FGF14: variants seen among roughly 807,000 people sequenced by gnomAD.
The protein encoded by FGF14 is fibroblast growth factor 14, also known as fibroblast growth factor homologous factor 4.
A neutral mutation model predicts 25.5 loss-of-function variants in FGF14; 5 were observed. The ratio of observed to expected loss-of-function variants is 0.20; its 90% CI spans 0.10 to 0.41. The LOEUF is 0.41. Ranked by LOEUF, FGF14 falls within the 10% of genes least tolerant of loss-of-function variation. The pLI, the probability that FGF14 is intolerant of heterozygous loss-of-function variation, is 1.00. For missense variants in FGF14, 222 were observed against 320.1 expected (o/e 0.69, Z 2.34); for synonymous variants, 138 against 118.3 (o/e 1.17, Z -1.08).
At chr13:101,784,305 T>A (rs556726386) in intron 3 of FGF14, among the ~76,000 whole-genome samples, 6 of 152,340 alleles carry the variant, frequency 3.9e-5, no homozygotes, top group African/African-American at 1.2e-4. Flanking sequence ...ATCCTCTAGT[T>A]CAGAGAAGTC....
chr13:101,801,926 GCTCT>G (rs145410022), intron 3 of FGF14: 7 of 438,980 alleles, frequency 1.6e-5, no homozygotes, highest in Admixed American at 1.2e-4. Flanking sequence ...GTCTGCTTGT[GCTCT>G]CTTTGTGCAG....
intron 3 of FGF14, among the ~76,000 whole-genome samples, chr13:101,784,836 A>G (rs531538513): frequency 9.9e-4 from 150 of 152,208 alleles, no homozygotes; most frequent in Non-Finnish European, 2.0e-3. Context: ...GCTTTGGTGC[A>G]GCACTCATAT....
intron 3 of FGF14, among the ~76,000 whole-genome samples, chr13:101,862,135 A>G (rs2044451122): frequency 6.6e-6 from 1 of 152,084 alleles, no homozygotes; most frequent in Non-Finnish European, 1.5e-5. Context: ...CACCACGTAG[A>G]AAGTTAGAAT....
intron 1 of FGF14, among the ~76,000 whole-genome samples, chr13:102,346,309 A>T (rs1594908313): frequency 6.6e-6 from 1 of 152,180 alleles, no homozygotes; most frequent in Non-Finnish European, 1.5e-5. Flanking sequence ...AATATGTTCT[A>T]TAACTACATA....
At chr13:102,349,954 G>A (rs1289315877) in intron 1 of FGF14, among the ~76,000 whole-genome samples, 1 of 152,200 alleles carries the variant, frequency 6.6e-6, no homozygotes. Flanking sequence ...AATTACACAT[G>A]TGCGTGCACA....
At chr13:102,036,602 A>C (rs1254974084) in intron 1 of FGF14, among the ~76,000 whole-genome samples, 1 of 152,100 alleles carries the variant, frequency 6.6e-6, no homozygotes, top group Non-Finnish European at 1.5e-5. Flanking sequence ...TATTTATATG[A>C]AATTTCTGAA....
intron 1 of FGF14, among the ~76,000 whole-genome samples, chr13:102,174,931 T>TA (rs908952673): frequency 1.7e-4 from 25 of 148,954 alleles, no homozygotes; most frequent in South Asian, 8.5e-4. Flanking sequence ...AAGTTGAAAT[T>TA]AAAAAAAAAA....
At chr13:101,797,562 A>C (rs1191267736) in intron 3 of FGF14, among the ~76,000 whole-genome samples, 1 of 152,068 alleles carries the variant, frequency 6.6e-6, no homozygotes, top group Non-Finnish European at 1.5e-5. Context: ...GTCGACAGAG[A>C]GCGCATCATA....
chr13:101,999,247 G>T (rs1436438815), intron 1 of FGF14, among the ~76,000 whole-genome samples: 1 of 152,142 alleles, frequency 6.6e-6, no homozygotes, highest in East Asian at 1.9e-4. Context: ...AACACTGAAA[G>T]AAATTGATTA....
At chr13:101,779,628 A>G (rs372619363) in intron 3 of FGF14, among the ~76,000 whole-genome samples, 18 of 152,360 alleles carry the variant, frequency 1.2e-4, no homozygotes, top group Admixed American at 4.6e-4. Context: ...AGACACATGA[A>G]TCAATGCATT....
chr13:102,332,825 G>A (rs1222503459), intron 1 of FGF14, among the ~76,000 whole-genome samples: 3 of 152,090 alleles, frequency 2.0e-5, no homozygotes, highest in Non-Finnish European at 4.4e-5. Flanking sequence ...GCTCTAGTTT[G>A]CATATATATT....
intron 1 of FGF14, among the ~76,000 whole-genome samples, chr13:101,876,413 A>G (rs1209952719): frequency 6.6e-6 from 1 of 152,142 alleles, no homozygotes; most frequent in Non-Finnish European, 1.5e-5. Context: ...CAATAGAAAA[A>G]TTGTGGTCTT....
intron 3 of FGF14, among the ~76,000 whole-genome samples, chr13:101,867,938 G>A (rs879486757): frequency 0.016 from 2,134 of 130,334 alleles, 24 homozygotes; most frequent in Non-Finnish European, 0.023. Context: ...ACACACACGC[G>A]CACACACACA....
intron 1 of FGF14, among the ~76,000 whole-genome samples, chr13:102,261,545 C>T (rs1336496391): frequency 6.6e-6 from 1 of 152,168 alleles, no homozygotes; most frequent in African/African-American, 2.4e-5. Flanking sequence ...CGTTATACTA[C>T]CCTCTCTTTC....
At chr13:102,151,840 C>T (rs1382050832) in intron 1 of FGF14, among the ~76,000 whole-genome samples, 1 of 152,154 alleles carries the variant, frequency 6.6e-6, no homozygotes, top group African/African-American at 2.4e-5. Context: ...AAAATAATGA[C>T]TCACATTAGT....
intron 1 of FGF14, among the ~76,000 whole-genome samples, chr13:102,271,190 T>C (rs1403561360): frequency 3.3e-5 from 5 of 152,216 alleles, no homozygotes; most frequent in African/African-American, 1.2e-4. Context: ...TTTTGGTTAA[T>C]TTGGTGTCTA....
intron 3 of FGF14, among the ~76,000 whole-genome samples, chr13:101,731,900 G>A (rs962980219): frequency 3.9e-5 from 6 of 152,160 alleles, no homozygotes; most frequent in African/African-American, 1.2e-4. Context: ...CTGCGTGGTC[G>A]AGAAAGATCT....
At position 101,811,115 on chromosome 13, in the gene FGF14, T is replaced by C. The variant is rs375147440; in HGVS notation, c.408+57610A>G. ...TCTATGAAACTGCACTGACAAATTA[T>C]AATCAGCCAAAGTCTATCCCTTACA... On this transcript the variant is annotated intron_variant, in intron 3 of 4. Transcript: ENST00000376143. 2.3e-4 allele frequency among the ~76,000 whole-genome samples: 32 copies of C among 141,726 alleles called. 1 individual carries two copies. The highest frequency in any genetic ancestry group is 1.3e-3 in the East Asian group (6 of 4,522). 93.0% of individuals were successfully genotyped at this position (141,726 alleles called of 152,430 possible).
At chr13:102,399,007 T>G (rs1402988426) in intron 1 of FGF14, among the ~76,000 whole-genome samples, 3 of 151,892 alleles carry the variant, frequency 2.0e-5, no homozygotes, top group Non-Finnish European at 4.4e-5. Flanking sequence ...AGATACACTT[T>G]GAGTTAGCCC....
Sources: gnomAD v4.1 joint callset for allele counts (sites outside exome capture counted in the v4.1 genomes callset) on GRCh38, gnomAD v4.1.1 for gene constraint, MANE v1.5 for transcripts, NCBI Gene and HGNC (gene_info 2026-07-23, HGNC 2026-07-21) for gene names.